MEFV: variants seen among roughly 807,000 people sequenced by gnomAD.
MEFV encodes pyrin.
MEFV carries 60 observed loss-of-function variants against 62.5 expected under a neutral mutation model. The ratio of observed to expected loss-of-function variants is 0.96; its 90% CI spans 0.78 to 1.19. The LOEUF (loss-of-function observed/expected upper bound fraction) is 1.19. Among genes scored for constraint, MEFV ranks in the 50% most tolerant of loss-of-function variants. The probability of loss-of-function intolerance (pLI) is 0.00; values close to 1 mark genes in which losing one functional copy is unlikely to be tolerated. For synonymous variants in MEFV, 500 were observed against 415.2 expected, an observed-to-expected ratio of 1.20 and a Z score of -2.48; for missense variants, 1,169 against 1,004.5, an observed-to-expected ratio of 1.16 and a Z score of -2.21.
intron 8 of MEFV, 93 bp downstream of exon 8, chr16:3,244,161 T>C (rs1315347572): frequency 2.5e-6 from 4 of 1,591,962 alleles, no homozygotes; most frequent in Non-Finnish European, 3.4e-6. Flanking sequence ...TTGGTTTTTT[T>C]TTTTGTCTTC....
At position 3,254,499 on chromosome 16, in the gene MEFV, G is replaced by A; in HGVS notation, c.569C>T (p.Pro190Leu). ...CTGGCCCCCCTCTAGCGCCCTGCAGGGGCCGGGGCTTCTCCCGCCCGGCAG... is the reference window on the plus strand; with the variant it reads ...CTGGCCCCCCTCTAGCGCCCTGCAGAGGCCGGGGCTTCTCCCGCCCGGCAG... ...PALPGGRSPG[P>L]CRALEGGQAE... The change falls in exon 2 of 10, where the codon CCC (proline) becomes CTC (leucine). Residue 190 changes from proline to leucine, a missense_variant. Coordinates refer to ENST00000219596, the MANE Select transcript of MEFV (RefSeq NM_000243.3). 1 of 1,572,566 alleles carries A rather than the reference G, an allele frequency of 6.4e-7. No homozygotes were observed.
At chr16:3,249,373 A>G in intron 3 of MEFV, 58 bp downstream of exon 3, 1 of 1,480,756 alleles carries the variant, frequency 6.8e-7, no homozygotes, top group South Asian at 1.1e-5. Flanking sequence ...AAAATGAAGT[A>G]AGGCCCAGTG....
chr16:3,246,575 G>C lies in MEFV; in HGVS notation c.1588-28C>G, dbSNP rs371765150. On this transcript the variant is annotated intron_variant, in intron 5 of 9. Transcript: ENST00000219596. ...AGGAGAAAAAAGAAGGAAACTGTCG[G>C]TTACCAGGCTCCTAGTGGCTGGGCT... The C allele has an allele frequency of 3.0e-5, 48 of 1,613,910 alleles. No homozygotes were observed. In the African/African-American group the frequency reaches 5.7e-4, roughly 19 times the overall value.
Position 3,244,291 on chromosome 16 carries a change from A to C in MEFV, c.1727-5T>G. On this transcript the variant is annotated splice_region_variant and splice_polypyrimidine_tract_variant and intron_variant, in intron 7 of 9. Transcript: ENST00000219596. ...CCATTTCTGAACGCAGGGTTTCTAA[A>C]ATGTGGGAAAGGGAGCAGAGAGAAG... is the stretch of plus-strand genomic sequence containing the variant. The C allele has an allele frequency of 6.2e-7, 1 of 1,614,096 alleles. No homozygotes were observed. Among genetic ancestry groups the C allele is most frequent in the Non-Finnish European group, 8.5e-7 (1 of 1,180,010 alleles).
chr16:3,245,017 T>C (rs1307117502), intron 6 of MEFV, among the ~76,000 whole-genome samples: 1 of 152,198 alleles, frequency 6.6e-6, no homozygotes, highest in African/African-American at 2.4e-5. Flanking sequence ...CCAGGTATGG[T>C]GGCTCATGCC....
rs540155459 is a variant in MEFV, at chr16:3,242,699, C to T, written c.*442G>A. On this transcript the variant is annotated 3_prime_UTR_variant, in exon 10 of 10. Coordinates refer to ENST00000219596, the MANE Select transcript of MEFV (RefSeq NM_000243.3). ...AAAAAAAAAAAAAAAAATCATAGTT[C>T]ATTAATCCAGGTACACAAATACTTC... is the stretch of plus-strand genomic sequence containing the variant. The T allele has an allele frequency of 2.3e-5, 5 of 216,044 alleles. No homozygotes were observed. The East Asian group carries it at 6.0e-4, about 26-fold the overall frequency. 13.4% of individuals were successfully genotyped at this position (216,044 alleles called of 1,614,324 possible).
Position 3,249,429 on chromosome 16 carries a change from A to C in MEFV, c.1260+2T>G. 4 of 1,612,830 alleles carry C rather than the reference A, an allele frequency of 2.5e-6. No homozygotes were observed. The highest frequency in any genetic ancestry group is 3.4e-6 in the Non-Finnish European group (4 of 1,179,622). ...AAGAGCCCACAGGCAGGGAGTGCCT[A>C]CCTTGTGTTCCAGGGCGACCTCCTC... On this transcript the variant is annotated splice_donor_variant, in intron 3 of 9. Coordinates refer to ENST00000219596, the MANE Select transcript of MEFV (RefSeq NM_000243.3). LOFTEE classifies it high-confidence loss of function.
Position 3,249,470 on chromosome 16 carries a change from G to T in MEFV, c.1221C>A (p.His407Gln), listed in dbSNP as rs780605414. ...ICSLSQEHQG[H>Q]RVRPIEEVAL... Reference sequence around the variant, plus strand: ...CGACCTCCTCAATGGGGCGCACCCGGTGGCCTTGGTGCTCCTGACTCAGAC... The same window carrying T: ...CGACCTCCTCAATGGGGCGCACCCGTTGGCCTTGGTGCTCCTGACTCAGAC... Residue 407 changes from histidine (H) to glutamine (Q), a missense_variant, in exon 3 of 10, where the codon CAC becomes CAA. Coordinates refer to ENST00000219596, the MANE Select transcript of MEFV (RefSeq NM_000243.3). 3 of 1,614,104 alleles carry T rather than the reference G, an allele frequency of 1.9e-6. No homozygotes were observed. Among genetic ancestry groups the T allele is most frequent in the Non-Finnish European group, 2.5e-6 (3 of 1,180,034 alleles).
intron 6 of MEFV, chr16:3,246,294 A>T: frequency 1.7e-6 from 1 of 586,988 alleles, no homozygotes; most frequent in Non-Finnish European, 3.0e-6. Context: ...GGATGGGCTG[A>T]ATTCACCCTT....
intron 3 of MEFV, 29 bp from the exon 4 acceptor site, chr16:3,249,033 T>G (rs367680048): frequency 2.5e-6 from 4 of 1,608,980 alleles, no homozygotes; most frequent in Middle Eastern, 1.6e-4. Flanking sequence ...TTGAAAAGCT[T>G]GAATTTGGCT....
intron 4 of MEFV, 116 bp from the exon 5 acceptor site, chr16:3,247,362 T>A: frequency 6.4e-6 from 5 of 786,122 alleles, no homozygotes; most frequent in Non-Finnish European, 1.1e-5. Context: ...TTATGCTGCC[T>A]CTTCAAGGCC....
Position 3,246,133 on chromosome 16 carries a change from C to G in MEFV, c.1610+392G>C, listed in dbSNP as rs566294388. ...AGCCTCTTCCTGTCCCTTCCCTCCC[C>G]TCCCCTTCCTGCTGGGCTTAGCCCA... is the stretch of plus-strand genomic sequence containing the variant. On this transcript the variant is annotated intron_variant, in intron 6 of 9. Coordinates refer to ENST00000219596, the MANE Select transcript of MEFV (RefSeq NM_000243.3). Among the ~76,000 whole-genome samples, 12 of 152,346 alleles carry G rather than the reference C, an allele frequency of 7.9e-5. 1 individual carries two copies. The South Asian group carries it at 2.5e-3, about 32-fold the overall frequency.
At chr16:3,247,282 T>C in intron 4 of MEFV, 36 bp from the exon 5 acceptor site, 7 of 1,597,804 alleles carry the variant, frequency 4.4e-6, no homozygotes, top group Non-Finnish European at 6.0e-6. Context: ...TGGGGGTCTG[T>C]GCTGTGGGTG....
At chr16:3,244,044 C>A in intron 8 of MEFV, 152 bp from the exon 9 acceptor site, 1 of 1,552,294 alleles carries the variant, frequency 6.4e-7, no homozygotes, top group Non-Finnish European at 8.7e-7. Flanking sequence ...TCCCAGGAAC[C>A]CAGGCCATGT....
rs1376697170 is a variant in MEFV at position 3,254,444 on chromosome 16, G to T, written c.624C>A (p.Ser208Arg). Residue 208 changes from serine (S) to arginine (R), a missense_variant, in exon 2 of 10, where the codon AGC (serine) becomes AGA (arginine). Coordinates refer to ENST00000219596, the MANE Select transcript of MEFV (RefSeq NM_000243.3). ...CCAGCCCCTGCAGCCTCCCCGCGGA[G>T]CTGGCGTTTCTGCGCAGCCGGACCT... Reference protein sequence around the residue: ...QAEVRLRRNASSAGRLQGLAG... With the variant: ...QAEVRLRRNARSAGRLQGLAG... 1 of 1,609,796 alleles carries T rather than the reference G, an allele frequency of 6.2e-7. No homozygotes were observed. The highest frequency in any genetic ancestry group is 8.5e-7 in the Non-Finnish European group (1 of 1,178,118).
At chr16:3,244,379 C>G (rs1036920460) in intron 7 of MEFV, 93 bp from the exon 8 acceptor site, 6 of 1,604,932 alleles carry the variant, frequency 3.7e-6, no homozygotes, top group Non-Finnish European at 5.1e-6. Flanking sequence ...TCAGCAAGAC[C>G]AGGGGAAGAG....
At chr16:3,255,773 T>A (rs1018188133) in intron 1 of MEFV, among the ~76,000 whole-genome samples, 1 of 152,136 alleles carries the variant, frequency 6.6e-6, no homozygotes, top group African/African-American at 2.4e-5. Flanking sequence ...AATAAGATCT[T>A]ACACAGGTCA....
At chr16:3,254,931 C>G (rs1200925988) in intron 1 of MEFV, 141 bp from the exon 2 acceptor site, 2 of 1,397,790 alleles carry the variant, frequency 1.4e-6, no homozygotes, top group Non-Finnish European at 2.0e-6. Context: ...TGGCTCATGC[C>G]TGTATTCCCG....
Position 3,244,250 on chromosome 16 carries a change from T to G in MEFV, c.1759+4A>C. 1 of 1,613,978 alleles carries G rather than the reference T, an allele frequency of 6.2e-7. No individual in the cohort carries two copies. The highest frequency in any genetic ancestry group is 8.5e-7 in the Non-Finnish European group (1 of 1,179,988). ...CCAGCACACACCATTACCGCTGGAC[T>G]CACCATTGAACATTTCCATTTCTGA... On this transcript the variant is annotated splice_donor_region_variant and intron_variant, in intron 8 of 9. Transcript: ENST00000219596.
Sources: gnomAD v4.1 joint callset for allele counts (sites outside exome capture counted in the v4.1 genomes callset) on GRCh38, gnomAD v4.1.1 for gene constraint, MANE v1.5 for transcripts, NCBI Gene and HGNC (gene_info 2026-07-23, HGNC 2026-07-21) for gene names.